The following ANOS1 variants were observed in gnomAD, a reference collection of about 807,000 sequenced individuals.
The protein encoded by ANOS1 is anosmin-1.
ANOS1 carries 6 observed loss-of-function variants against 59.0 expected under a neutral mutation model. That is an observed-to-expected ratio of 0.10 (90% CI 0.06 to 0.20). ANOS1 has a LOEUF of 0.20. ANOS1 is among the 10% of genes least tolerant of loss of function. ANOS1 has a pLI of 1.00. For synonymous variants in ANOS1, 217 were observed against 223.4 expected, an observed-to-expected ratio of 0.97 and a Z score of 0.25; for missense variants, 433 against 542.3, an observed-to-expected ratio of 0.80 and a Z score of 2.00.
chrX:8,637,233 C>T (rs1317732006), intron 2 of ANOS1, among the ~76,000 whole-genome samples: 1 of 111,903 alleles, frequency 8.9e-6, no homozygotes, highest in East Asian at 2.8e-4. Flanking sequence ...TTTAGAAGAG[C>T]CTCCTTCATA....
chrX:8,699,573 G>A (rs1030934489), intron 2 of ANOS1, 125 bp downstream of exon 2: 5 of 445,319 alleles, frequency 1.1e-5, no homozygotes, highest in South Asian at 1.0e-4. Flanking sequence ...TACTTAAAGT[G>A]TAACCATTGG....
At chrX:8,545,498 G>A (rs1371232643) in intron 9 of ANOS1, among the ~76,000 whole-genome samples, 2 of 111,074 alleles carry the variant, frequency 1.8e-5, no homozygotes, top group African/African-American at 6.6e-5. Flanking sequence ...TATCAATGGA[G>A]TAATAAAATT....
At chrX:8,642,483 C>A (rs1392176668) in intron 2 of ANOS1, among the ~76,000 whole-genome samples, 1 of 109,947 alleles carries the variant, frequency 9.1e-6, no homozygotes, top group South Asian at 3.8e-4. Flanking sequence ...AACCAATGAA[C>A]TATTTAAACA....
chrX:8,546,214 C>G (rs1929769731), intron 9 of ANOS1, among the ~76,000 whole-genome samples: 1 of 111,939 alleles, frequency 8.9e-6, no homozygotes, highest in Non-Finnish European at 1.9e-5. Flanking sequence ...TCTGGGGAAA[C>G]TTTGGTTTGG....
chrX:8,577,338 C>T (rs889066391), intron 6 of ANOS1, among the ~76,000 whole-genome samples: 3 of 111,612 alleles, frequency 2.7e-5, no homozygotes, highest in Non-Finnish European at 5.6e-5. Context: ...ATGGGAGGCA[C>T]ACCACAAGAC....
chrX:8,697,884 G>A (rs1305446307), intron 2 of ANOS1, among the ~76,000 whole-genome samples: 1 of 111,623 alleles, frequency 9.0e-6, no homozygotes, highest in Non-Finnish European at 1.9e-5. Context: ...TAAAACTGAT[G>A]ACTATGTGAC....
chrX:8,707,861 T>G (rs1932788646), intron 1 of ANOS1, among the ~76,000 whole-genome samples: 1 of 112,322 alleles, frequency 8.9e-6, no homozygotes. Flanking sequence ...ATTGTGTTCT[T>G]CAAGTATATT....
At chrX:8,576,479 CACACACACACAT>C (rs1484567911) in intron 6 of ANOS1, among the ~76,000 whole-genome samples, 4 of 101,540 alleles carry the variant, frequency 3.9e-5, no homozygotes, top group South Asian at 4.5e-4. Flanking sequence ...CACACACACA[CACACACACACAT>C]ACACACACAC....
rs770815813 is a variant in ANOS1, at chrX:8,659,190, G to T, written c.256-35520C>A. Among the ~76,000 whole-genome samples, 92 of 108,805 alleles carry T rather than the reference G, an allele frequency of 8.5e-4. 1 individual carries two copies. The highest frequency in any genetic ancestry group is 1.5e-3 in the Non-Finnish European group (77 of 52,527). The allele number at this position is 108,805 out of a possible 115,157, so 94.5% of individuals were successfully genotyped here. On this transcript the variant is annotated intron_variant, in intron 2 of 13. Coordinates refer to ENST00000262648, the MANE Select transcript of ANOS1 (RefSeq NM_000216.4). ...TGCAGTGAGCCAAGATCGTGCCATTGCACTCCAGCCTGGGCAAGAGAATGA... is the reference window on the plus strand; with the variant it reads ...TGCAGTGAGCCAAGATCGTGCCATTTCACTCCAGCCTGGGCAAGAGAATGA...
chrX:8,550,529 T>C (rs959854851), intron 9 of ANOS1, among the ~76,000 whole-genome samples: 13 of 111,176 alleles, frequency 1.2e-4, no homozygotes, highest in Admixed American at 6.8e-4. Context: ...AGGCCAGGAA[T>C]AGTTGAGACA....
intron 9 of ANOS1, among the ~76,000 whole-genome samples, chrX:8,551,447 G>C (rs778657981): frequency 2.6e-4 from 29 of 111,249 alleles, no homozygotes; most frequent in Non-Finnish European, 4.7e-4. Flanking sequence ...AGACCAGCCT[G>C]GTCAACATGG....
At chrX:8,704,103 T>C (rs888055832) in intron 1 of ANOS1, among the ~76,000 whole-genome samples, 1 of 111,481 alleles carries the variant, frequency 9.0e-6, no homozygotes, top group East Asian at 2.8e-4. Context: ...CCGCACATGC[T>C]CTCTTGCCTG....
At chrX:8,582,538 TCTA>T (rs780128005) in intron 6 of ANOS1, among the ~76,000 whole-genome samples, 9 of 111,577 alleles carry the variant, frequency 8.1e-5, no homozygotes, top group Non-Finnish European at 1.5e-4. Flanking sequence ...GAACATGGCT[TCTA>T]CTCTGAATCA....
chrX:8,710,460 G>C (rs141772572), intron 1 of ANOS1, among the ~76,000 whole-genome samples: 1 of 111,493 alleles, frequency 9.0e-6, no homozygotes, highest in Non-Finnish European at 1.9e-5. Flanking sequence ...GACCCAACAA[G>C]TGATTCCAAA....
At chrX:8,725,897 C>G (rs1339678780) in intron 1 of ANOS1, among the ~76,000 whole-genome samples, 3 of 108,918 alleles carry the variant, frequency 2.8e-5, no homozygotes, top group Non-Finnish European at 3.8e-5. Flanking sequence ...ATTAAAAACA[C>G]AAAAAATTGC....
intron 1 of ANOS1, among the ~76,000 whole-genome samples, chrX:8,717,733 T>C (rs981670464): frequency 8.9e-6 from 1 of 111,981 alleles, no homozygotes; most frequent in Non-Finnish European, 1.9e-5. Context: ...TGGGCTGACC[T>C]GGCACAGTGG....
chrX:8,619,354 C>T (rs1421729647), intron 3 of ANOS1, among the ~76,000 whole-genome samples: 4 of 111,472 alleles, frequency 3.6e-5, no homozygotes, highest in Non-Finnish European at 7.5e-5. Flanking sequence ...GCCTGTAATC[C>T]CAGCACTTTG....
intron 13 of ANOS1, among the ~76,000 whole-genome samples, chrX:8,533,745 T>C (rs972418912): frequency 1.8e-5 from 2 of 111,880 alleles, no homozygotes; most frequent in Admixed American, 9.6e-5. Context: ...GGTCATATCA[T>C]GAAGAAAATT....
intron 3 of ANOS1, among the ~76,000 whole-genome samples, chrX:8,615,769 G>T (rs1931163417): frequency 9.0e-6 from 1 of 110,656 alleles, no homozygotes; most frequent in African/African-American, 3.3e-5. Flanking sequence ...GGATTCTCAT[G>T]TATCCATGAA....
Sources: allele counts gnomAD v4.1 joint callset (sites outside exome capture counted in the v4.1 genomes callset), GRCh38; gene constraint gnomAD v4.1.1; transcripts MANE v1.5; gene names NCBI Gene and HGNC (gene_info 2026-07-23, HGNC 2026-07-21).